The following LRP2 variants were observed in gnomAD, a reference collection of about 807,000 sequenced individuals.
LRP2 encodes the protein low-density lipoprotein receptor-related protein 2.
Under a neutral mutation model 531.0 loss-of-function variants are expected in LRP2, and 172 were observed. The ratio of observed to expected loss-of-function variants is 0.32; its 90% CI spans 0.29 to 0.37. The LOEUF is 0.37. Among genes scored for constraint, LRP2 ranks in the 10% least tolerant of loss-of-function variants. The pLI, the probability that LRP2 is intolerant of heterozygous loss-of-function variation, is 1.00. For synonymous variants in LRP2, 1,992 were observed against 2,027.6 expected (o/e 0.98, Z 0.47); for missense variants, 5,167 against 5,868.3 (o/e 0.88, Z 3.90).
intron 9 of LRP2, among the ~76,000 whole-genome samples, chr2:169,284,256 C>CT (rs1216987363): frequency 0.016 from 1,521 of 96,396 alleles, 164 homozygotes; most frequent in African/African-American, 0.032. Flanking sequence ...TCTTTTTTTT[C>CT]TTTTTTTTTT....
At chr2:169,185,003 C>T (rs1384948465) in intron 50 of LRP2, among the ~76,000 whole-genome samples, 1 of 152,098 alleles carries the variant, frequency 6.6e-6, no homozygotes, top group Non-Finnish European at 1.5e-5. Flanking sequence ...TCAAGCGATC[C>T]TCTCACCTCA....
chr2:169,297,028 A>T (rs565481738), intron 4 of LRP2, among the ~76,000 whole-genome samples: 7 of 152,134 alleles, frequency 4.6e-5, no homozygotes, highest in Non-Finnish European at 7.4e-5. Flanking sequence ...GTGCATAGTT[A>T]ACCTGGGATG....
Position 169,240,732 on chromosome 2 carries a change from AT to A in LRP2, c.4045+255del, listed in dbSNP as rs1409807606. On this transcript the variant is annotated intron_variant, in intron 25 of 78. Transcript: ENST00000649046. ...TTAATTTGACAATCTAATGGCCTCA[AT>A]TTAGTCTCATTTTTTGAAACAAAGA... 5.1e-6 allele frequency: 3 copies of A among 585,448 alleles called. No homozygotes were observed. In the African/African-American group the frequency reaches 5.6e-5, roughly 11 times the overall value. 36.3% of individuals were successfully genotyped at this position (585,448 alleles called of 1,614,324 possible).
intron 63 of LRP2, 134 bp downstream of exon 63, chr2:169,162,338 T>C (rs1686618243): frequency 1.0e-6 from 1 of 970,204 alleles, no homozygotes; most frequent in African/African-American, 1.6e-5. Flanking sequence ...CAGCTAGCTA[T>C]GGGCTTGACT....
intron 16 of LRP2, among the ~76,000 whole-genome samples, chr2:169,270,214 T>A (rs1189413316): frequency 1.3e-5 from 2 of 152,168 alleles, no homozygotes; most frequent in Non-Finnish European, 2.9e-5. Context: ...CTCAGGGATC[T>A]AGAACTAGAA....
chr2:169,224,307 T>A (rs1402224132), intron 33 of LRP2, among the ~76,000 whole-genome samples: 1 of 152,208 alleles, frequency 6.6e-6, no homozygotes, highest in African/African-American at 2.4e-5. Context: ...ACTTTCAAAA[T>A]TATTGTGAAT....
intron 48 of LRP2, among the ~76,000 whole-genome samples, chr2:169,190,850 T>G (rs1300031875): frequency 6.6e-6 from 1 of 152,240 alleles, no homozygotes; most frequent in African/African-American, 2.4e-5. Context: ...TCCTAGTCAA[T>G]CAGGATTGAA....
At chr2:169,186,235 T>C (rs1687633510) in intron 49 of LRP2, among the ~76,000 whole-genome samples, 2 of 152,180 alleles carry the variant, frequency 1.3e-5, no homozygotes, top group African/African-American at 2.4e-5. Context: ...CAACAACTAA[T>C]ACAGGAGAAA....
chr2:169,224,306 A>G (rs1385491369), intron 33 of LRP2, among the ~76,000 whole-genome samples: 1 of 152,160 alleles, frequency 6.6e-6, no homozygotes, highest in African/African-American at 2.4e-5. Flanking sequence ...CACTTTCAAA[A>G]TTATTGTGAA....
At position 169,226,502 on chromosome 2, in the gene LRP2, C is replaced by A. The variant is rs887600570; in HGVS notation, c.5314G>T (p.Val1772Phe). The change falls in exon 32 of 79, where the codon GTC becomes TTC. Residue 1772 changes from valine (V) to phenylalanine (F), a missense_variant. By Grantham distance (50) the Val-to-Phe change is conservative. Coordinates refer to ENST00000649046, the MANE Select transcript of LRP2 (RefSeq NM_004525.3). ...NPEVKSNDAM[V>F]PIAGIQNGLD... ...CCATTCTGTATCCCTGCTATGGGGA[C>A]CATAGCATCATTGCTCTTCACCTCA... The A allele has an allele frequency of 3.7e-6, 6 of 1,612,380 alleles. No individual in the cohort carries two copies. The highest frequency in any genetic ancestry group is 4.2e-6 in the Non-Finnish European group (5 of 1,178,664).
chr2:169,216,145 A>AT, intron 35 of LRP2, 108 bp downstream of exon 35: 1 of 1,186,758 alleles, frequency 8.4e-7, no homozygotes, highest in Non-Finnish European at 1.2e-6. Context: ...CACTGGTACA[A>AT]GTTACCAAGT....
At chr2:169,191,380 T>A (rs143803456) in intron 48 of LRP2, among the ~76,000 whole-genome samples, 1,662 of 152,282 alleles carry the variant, frequency 0.011, 16 homozygotes, top group Non-Finnish European at 0.018. Context: ...AGTGGAAAAC[T>A]AAGCGGGTCA....
intron 16 of LRP2, among the ~76,000 whole-genome samples, chr2:169,263,232 A>G (rs1690645343): frequency 6.6e-6 from 1 of 152,212 alleles, no homozygotes. Flanking sequence ...AACAAAAGCC[A>G]AAATTGACAA....
chr2:169,139,220 A>G, intron 74 of LRP2, 31 bp downstream of exon 74: 1 of 1,614,064 alleles, frequency 6.2e-7, no homozygotes, highest in Non-Finnish European at 8.5e-7. Context: ...CTTAGGCTTC[A>G]AACATCAACG....
chr2:169,311,809 C>A (rs1393649852), intron 3 of LRP2, among the ~76,000 whole-genome samples: 1 of 152,146 alleles, frequency 6.6e-6, no homozygotes, highest in Non-Finnish European at 1.5e-5. Flanking sequence ...GTGTTAAAGT[C>A]TCCCATTATT....
At chr2:169,272,489 C>A (rs780058276) in intron 15 of LRP2, among the ~76,000 whole-genome samples, 1 of 152,026 alleles carries the variant, frequency 6.6e-6, no homozygotes, top group East Asian at 1.9e-4. Flanking sequence ...AAGGGGCATA[C>A]GTGGTGGTCT....
intron 31 of LRP2, 59 bp from the exon 32 acceptor site, chr2:169,226,647 G>T: frequency 7.6e-7 from 1 of 1,308,388 alleles, no homozygotes; most frequent in Non-Finnish European, 1.1e-6. Flanking sequence ...GACATTTAGA[G>T]TAATGGAAGG....
At chr2:169,257,038 T>C (rs986107321) in intron 18 of LRP2, 86 bp downstream of exon 18, 2 of 1,525,254 alleles carry the variant, frequency 1.3e-6, no homozygotes, top group Admixed American at 3.4e-5. Flanking sequence ...ACCAGTTTCC[T>C]TACACCATCA....
Position 169,239,781 on chromosome 2 carries a change from A to G in LRP2, c.4046-6T>C, listed in dbSNP as rs76714416. On this transcript the variant is annotated splice_region_variant and splice_polypyrimidine_tract_variant and intron_variant, in intron 25 of 78. Transcript: ENST00000649046. ...ATCTGAGCAGCTGTTCCCATCTAGA[A>G]AAAAGAAAGAGAATAATGAAAAAAG... 19,468 of 1,612,340 alleles carry G rather than the reference A, an allele frequency of 0.012. 761 individuals are homozygous for G. In the African/African-American group the frequency reaches 0.13, roughly 11 times the overall value.
Sources: gnomAD v4.1 joint callset for allele counts (sites outside exome capture counted in the v4.1 genomes callset) on GRCh38, gnomAD v4.1.1 for gene constraint, MANE v1.5 for transcripts, NCBI Gene and HGNC (gene_info 2026-07-23, HGNC 2026-07-21) for gene names.